The following CARMIL1 variants were observed in gnomAD, a reference collection of about 807,000 sequenced individuals.
CARMIL1 encodes F-actin-uncapping protein LRRC16A.
In CARMIL1, 90 loss-of-function variants were observed where a neutral mutation model predicts 177.1. The observed-to-expected ratio is 0.51, with a 90% CI of 0.43 to 0.61. CARMIL1 has a LOEUF of 0.61. Ranked by LOEUF, CARMIL1 falls within the 20% of genes least tolerant of loss-of-function variation. The pLI, the probability that CARMIL1 is intolerant of heterozygous loss-of-function variation, is 0.00. For synonymous variants in CARMIL1, 577 were observed against 606.2 expected, an observed-to-expected ratio of 0.95 and a Z score of 0.71; for missense variants, 1,380 against 1,667.0, an observed-to-expected ratio of 0.83 and a Z score of 3.00.
chr6:25,494,508 TGTATTCAGAG>T (rs1220080870), intron 15 of CARMIL1, among the ~76,000 whole-genome samples: 8 of 152,254 alleles, frequency 5.3e-5, no homozygotes, highest in African/African-American at 1.9e-4. Flanking sequence ...AGCAAGGGGA[TGTATTCAGAG>T]GTTATAGCCA....
chr6:25,533,754 A>G (rs1295154550), intron 24 of CARMIL1, among the ~76,000 whole-genome samples: 1 of 151,390 alleles, frequency 6.6e-6, no homozygotes, highest in Non-Finnish European at 1.5e-5. Flanking sequence ...TCCTTTGGCT[A>G]TTTGCTTCTA....
chr6:25,437,940 A>G (rs1329066033), intron 5 of CARMIL1, among the ~76,000 whole-genome samples: 3 of 152,130 alleles, frequency 2.0e-5, no homozygotes, highest in Non-Finnish European at 2.9e-5. Flanking sequence ...GTGATCCTTC[A>G]TACTGTCATC....
chr6:25,446,688 A>T (rs1183626034), intron 5 of CARMIL1, among the ~76,000 whole-genome samples: 1 of 152,080 alleles, frequency 6.6e-6, no homozygotes. Flanking sequence ...AATTTTGCTA[A>T]TTTTTTTGTT....
Position 25,556,819 on chromosome 6 carries a change from T to G in CARMIL1, c.2711T>G (p.Ile904Arg). The G allele has an allele frequency of 6.2e-7, 1 of 1,613,456 alleles. No homozygotes were observed. The highest frequency in any genetic ancestry group is 8.5e-7 in the Non-Finnish European group (1 of 1,179,670). ...ATCACAGTGGAGGAGCTAACAGAGA[T>G]AGAGCGTTTGGAAGATCTGGATACC... ...SIITVEELTE[I>R]ERLEDLDTCM... The change falls in exon 29 of 37, where the codon ATA becomes AGA. Residue 904 changes from isoleucine to arginine, a missense_variant. Physicochemically the swap from Ile to Arg is moderately conservative, Grantham distance 97 (BLOSUM62 -3). Coordinates refer to ENST00000329474, the MANE Select transcript of CARMIL1 (RefSeq NM_017640.6).
chr6:25,436,495 T>G (rs1015457401), intron 5 of CARMIL1, among the ~76,000 whole-genome samples: 2 of 152,184 alleles, frequency 1.3e-5, no homozygotes, highest in African/African-American at 4.8e-5. Context: ...AACATGCTCC[T>G]CCTGCAATGC....
intron 2 of CARMIL1, among the ~76,000 whole-genome samples, chr6:25,333,423 AATCAGTG>A (rs1785898567): frequency 6.6e-6 from 1 of 151,858 alleles, no homozygotes; most frequent in East Asian, 1.9e-4. Flanking sequence ...AATACAGAAA[AATCAGTG>A]ATGAGTGCAG....
At chr6:25,530,639 A>G (rs537256915) in intron 24 of CARMIL1, among the ~76,000 whole-genome samples, 52 of 152,334 alleles carry the variant, frequency 3.4e-4, no homozygotes, top group African/African-American at 1.2e-3. Context: ...TTCTATACCT[A>G]GACGTTTTCA....
chr6:25,516,540 A>C (rs563492291), intron 21 of CARMIL1, among the ~76,000 whole-genome samples: 3 of 152,202 alleles, frequency 2.0e-5, no homozygotes, highest in Non-Finnish European at 4.4e-5. Flanking sequence ...CTGAAGCCAA[A>C]ACCCAAAATC....
At chr6:25,343,053 G>GT (rs1023707015) in intron 2 of CARMIL1, among the ~76,000 whole-genome samples, 1 of 152,270 alleles carries the variant, frequency 6.6e-6, no homozygotes, top group East Asian at 1.9e-4. Flanking sequence ...TTGTTCTGAT[G>GT]TTTTTTAAGA....
At chr6:25,602,503 C>T (rs968032618) in intron 33 of CARMIL1, among the ~76,000 whole-genome samples, 11 of 152,174 alleles carry the variant, frequency 7.2e-5, no homozygotes, top group Admixed American at 2.6e-4. Flanking sequence ...TATAAATCGA[C>T]TTAAAGTGAC....
At chr6:25,540,290 C>T (rs1808764955) in intron 26 of CARMIL1, among the ~76,000 whole-genome samples, 1 of 152,064 alleles carries the variant, frequency 6.6e-6, no homozygotes, top group Non-Finnish European at 1.5e-5. Context: ...TCTAAATGTA[C>T]CTAATAAATT....
At chr6:25,601,090 G>T (rs1415633085) in intron 33 of CARMIL1, among the ~76,000 whole-genome samples, 1 of 152,154 alleles carries the variant, frequency 6.6e-6, no homozygotes, top group Admixed American at 6.5e-5. Flanking sequence ...TGAGATAAGT[G>T]GGGGTTCATT....
chr6:25,356,215 G>A (rs1050417168), intron 2 of CARMIL1, among the ~76,000 whole-genome samples: 3 of 151,998 alleles, frequency 2.0e-5, no homozygotes, highest in South Asian at 2.1e-4. Flanking sequence ...CCGCCACTGC[G>A]CCCGGCTAAT....
intron 2 of CARMIL1, among the ~76,000 whole-genome samples, chr6:25,411,216 T>C (rs1794877498): frequency 6.6e-6 from 1 of 152,192 alleles, no homozygotes; most frequent in African/African-American, 2.4e-5. Context: ...TCCCCTGCTG[T>C]CTGCTCACCC....
At chr6:25,531,994 C>T (rs993409062) in intron 24 of CARMIL1, among the ~76,000 whole-genome samples, 7 of 152,230 alleles carry the variant, frequency 4.6e-5, no homozygotes, top group African/African-American at 1.7e-4. Flanking sequence ...TGGTCTCAAA[C>T]TCCTCACCTC....
intron 24 of CARMIL1, among the ~76,000 whole-genome samples, chr6:25,532,641 T>G (rs1229179276): frequency 6.6e-6 from 1 of 152,218 alleles, no homozygotes; most frequent in Non-Finnish European, 1.5e-5. Context: ...ACCAAAGGCA[T>G]TAAAGAATGT....
intron 2 of CARMIL1, among the ~76,000 whole-genome samples, chr6:25,384,662 G>T (rs1267414594): frequency 6.6e-6 from 1 of 152,150 alleles, no homozygotes; most frequent in Non-Finnish European, 1.5e-5. Context: ...GCGACCTATG[G>T]GGCAGAGGAC....
At chr6:25,559,323 C>T (rs1810908383) in intron 29 of CARMIL1, among the ~76,000 whole-genome samples, 1 of 152,104 alleles carries the variant, frequency 6.6e-6, no homozygotes, top group Non-Finnish European at 1.5e-5. Context: ...CATACGATGC[C>T]ATTGGGGGAA....
intron 29 of CARMIL1, among the ~76,000 whole-genome samples, chr6:25,564,135 G>C (rs1012030033): frequency 2.6e-5 from 4 of 152,068 alleles, no homozygotes; most frequent in African/African-American, 9.7e-5. Context: ...TATGTCTTAG[G>C]AATAGGTCAC....
Sources: allele counts gnomAD v4.1 joint callset (sites outside exome capture counted in the v4.1 genomes callset), GRCh38; gene constraint gnomAD v4.1.1; transcripts MANE v1.5; gene names NCBI Gene and HGNC (gene_info 2026-07-23, HGNC 2026-07-21).